ACER3: variants seen among roughly 807,000 people sequenced by gnomAD.
ACER3 encodes alkaline ceramidase 3.
ACER3 carries 16 observed loss-of-function variants against 48.9 expected under a neutral mutation model. The ratio of observed to expected loss-of-function variants is 0.33; its 90% CI spans 0.22 to 0.50. The LOEUF (loss-of-function observed/expected upper bound fraction) is 0.50. ACER3 is among the 20% of genes least tolerant of loss of function. ACER3 has a pLI of 0.98. For synonymous variants in ACER3, 109 were observed against 107.8 expected, an observed-to-expected ratio of 1.01 and a Z score of -0.07; for missense variants, 227 against 326.0, an observed-to-expected ratio of 0.70 and a Z score of 2.34.
At chr11:76,964,401 A>G (rs1319787512) in intron 3 of ACER3, among the ~76,000 whole-genome samples, 1 of 151,412 alleles carries the variant, frequency 6.6e-6, no homozygotes, top group Non-Finnish European at 1.5e-5. Context: ...GGAACAGACA[A>G]ACAAAAGGCA....
intron 8 of ACER3, chr11:77,015,351 T>G (rs1226669445): frequency 2.7e-6 from 1 of 374,118 alleles, no homozygotes; most frequent in Non-Finnish European, 4.8e-6. Context: ...TTTGTGTGTG[T>G]GGGCATCAAA....
intron 2 of ACER3, among the ~76,000 whole-genome samples, chr11:76,928,876 G>A (rs1462994218): frequency 6.6e-6 from 1 of 152,200 alleles, no homozygotes; most frequent in Admixed American, 6.5e-5. Context: ...TTGTAGTATA[G>A]TTTGAAGTCA....
chr11:76,935,544 A>G (rs1260520732), intron 2 of ACER3, among the ~76,000 whole-genome samples: 1 of 152,248 alleles, frequency 6.6e-6, no homozygotes, highest in African/African-American at 2.4e-5. Context: ...ATCAGACCTT[A>G]TCAGTAATAT....
chr11:77,010,050 A>G (rs974876875), intron 7 of ACER3, among the ~76,000 whole-genome samples: 17 of 152,120 alleles, frequency 1.1e-4, no homozygotes, highest in Non-Finnish European at 8.8e-5. Context: ...TTGCCCTCCA[A>G]TAGAAAGAAC....
intron 1 of ACER3, among the ~76,000 whole-genome samples, chr11:76,865,943 A>G (rs752295701): frequency 2.7e-5 from 4 of 150,410 alleles, no homozygotes; most frequent in Non-Finnish European, 5.9e-5. Context: ...CAGGCTCCCA[A>G]GTAGCTGGGA....
rs1555025768 is a variant in ACER3, at chr11:77,026,471, G to A, written c.*6144G>A. The stretch of plus-strand genomic sequence containing the variant: ...GCCTTTCCATACTTGTAATATTTCT[G>A]AGTCACTTATTAATGTGACCAACAG... On this transcript the variant is annotated 3_prime_UTR_variant, in exon 11 of 11. Coordinates refer to ENST00000532485, the MANE Select transcript of ACER3 (RefSeq NM_018367.7). The A allele has an allele frequency of 6.6e-6, 1 of 152,026 alleles. No homozygotes were observed. The highest frequency in any genetic ancestry group is 2.4e-5 in the African/African-American group (1 of 41,386). 9.4% of individuals were successfully genotyped at this position (152,026 alleles called of 1,614,324 possible).
At chr11:76,882,565 G>A (rs552966244) in intron 1 of ACER3, among the ~76,000 whole-genome samples, 7 of 152,052 alleles carry the variant, frequency 4.6e-5, no homozygotes, top group Non-Finnish European at 8.8e-5. Flanking sequence ...TAGTTATAGC[G>A]ATTTATTTAA....
At chr11:76,891,656 G>T (rs1287207181) in intron 1 of ACER3, among the ~76,000 whole-genome samples, 1 of 152,152 alleles carries the variant, frequency 6.6e-6, no homozygotes. Flanking sequence ...TCCCTTGTGG[G>T]ACCAAGCCCT....
At chr11:76,933,184 A>ATATATG (rs894160801) in intron 2 of ACER3, among the ~76,000 whole-genome samples, 9 of 147,314 alleles carry the variant, frequency 6.1e-5, no homozygotes, top group Admixed American at 1.3e-4. Flanking sequence ...ATATATATAT[A>ATATATG]TATATATATG....
chr11:76,975,740 C>T (rs897591448), intron 3 of ACER3, among the ~76,000 whole-genome samples: 2 of 152,076 alleles, frequency 1.3e-5, no homozygotes, highest in African/African-American at 2.4e-5. Flanking sequence ...TTAGTATGTA[C>T]ATTAGGACAC....
At chr11:76,986,057 T>C (rs984066425) in intron 5 of ACER3, among the ~76,000 whole-genome samples, 6 of 152,252 alleles carry the variant, frequency 3.9e-5, no homozygotes, top group Non-Finnish European at 8.8e-5. Context: ...CTCTGCTCCA[T>C]TGGTCCAAAT....
At chr11:76,877,670 G>A (rs994169040) in intron 1 of ACER3, among the ~76,000 whole-genome samples, 2 of 152,078 alleles carry the variant, frequency 1.3e-5, no homozygotes, top group Admixed American at 6.6e-5. Context: ...GACAAATGAA[G>A]AGAATTATGA....
intron 6 of ACER3, chr11:76,994,229 T>G (rs891039005): frequency 2.4e-5 from 11 of 453,570 alleles, no homozygotes; most frequent in Non-Finnish European, 1.8e-5. Flanking sequence ...CCTCCCAGGT[T>G]CGTTATTCTT....
Position 76,932,339 on chromosome 11 carries a change from A to T in ACER3, c.214+5672A>T, listed in dbSNP as rs988393769. Among the ~76,000 whole-genome samples, 7 of 152,116 alleles carry T rather than the reference A, an allele frequency of 4.6e-5. No homozygotes were observed. In the East Asian group the frequency reaches 1.3e-3, roughly 29 times the overall value. On this transcript the variant is annotated intron_variant, in intron 2 of 10. Coordinates refer to ENST00000532485, the MANE Select transcript of ACER3 (RefSeq NM_018367.7). ...ACATTGACAGAAAGGACTTCTAATT[A>T]TCCCAAAACTGTAAGCTATAGTGAA...
At chr11:76,902,664 T>C (rs1946110295) in intron 1 of ACER3, among the ~76,000 whole-genome samples, 1 of 152,230 alleles carries the variant, frequency 6.6e-6, no homozygotes. Context: ...TGTGGTGTTA[T>C]TCAAAGTTTA....
chr11:76,933,384 C>T (rs1328072844), intron 2 of ACER3, among the ~76,000 whole-genome samples: 2 of 145,486 alleles, frequency 1.4e-5, no homozygotes. Flanking sequence ...AGCAGATAAA[C>T]AAGTGAACAA....
intron 2 of ACER3, among the ~76,000 whole-genome samples, chr11:76,954,629 T>G (rs1274384863): frequency 6.6e-6 from 1 of 151,518 alleles, no homozygotes; most frequent in East Asian, 1.9e-4. Flanking sequence ...TTGACAAGAT[T>G]TCACTCTGTC....
rs575384090 is a variant in ACER3 at position 76,943,944 on chromosome 11, G to A, written c.215-15035G>A. Among the ~76,000 whole-genome samples, 217 of 148,986 alleles carry A rather than the reference G, an allele frequency of 1.5e-3. 2 individuals are homozygous for A. Among genetic ancestry groups the A allele is most frequent in the African/African-American group, 5.1e-3 (206 of 40,262 alleles). On this transcript the variant is annotated intron_variant, in intron 2 of 10. Transcript: ENST00000532485. ...TTTTTTTTACTGTTTTTGATTTAAA[G>A]TCTATTTTATCTGATATAAGTATAG...
intron 4 of ACER3, among the ~76,000 whole-genome samples, chr11:76,977,696 T>C (rs1402024798): frequency 6.6e-6 from 1 of 152,170 alleles, no homozygotes; most frequent in Non-Finnish European, 1.5e-5. Flanking sequence ...GGGGAGGCAG[T>C]GCTGGTGGGG....
Sources: gnomAD v4.1 joint callset for allele counts (sites outside exome capture counted in the v4.1 genomes callset) on GRCh38, gnomAD v4.1.1 for gene constraint, MANE v1.5 for transcripts, NCBI Gene and HGNC (gene_info 2026-07-23, HGNC 2026-07-21) for gene names.